MTCL3: variants seen among roughly 807,000 people sequenced by gnomAD.
MTCL3 encodes MTCL family member 3, also known as microtubule cross-linking factor 3.
chr6:127,503,449 CAG>C, the MTCL3 span, among the ~76,000 whole-genome samples: 8 of 152,200 alleles, frequency 5.3e-5, no homozygotes, highest in African/African-American at 1.9e-4. Context: ...TCAATTGTCT[CAG>C]ACATTGAAGA....
the MTCL3 span, among the ~76,000 whole-genome samples, chr6:127,494,963 C>T: frequency 5.3e-5 from 8 of 151,954 alleles, no homozygotes; most frequent in African/African-American, 9.7e-5. Flanking sequence ...TTTGGGAGGC[C>T]GAGTCGGGCA....
At chr6:127,477,763 A>C in the MTCL3 span, among the ~76,000 whole-genome samples, 84 of 152,326 alleles carry the variant, frequency 5.5e-4, 1 homozygote, top group African/African-American at 1.9e-3. Context: ...CCTGAACATT[A>C]CATTCCATAT....
At chr6:127,514,805 A>C in the MTCL3 span, 1 of 1,600,196 alleles carries the variant, frequency 6.2e-7, no homozygotes. Flanking sequence ...CGCGCCATTG[A>C]GCCCCCGCGC....
chr6:127,475,756 G>A, the MTCL3 span: 1 of 1,604,012 alleles, frequency 6.2e-7, no homozygotes, highest in South Asian at 1.1e-5. This position sits in a 1 kb window ranked among gnomAD's most constrained non-coding sequence, Gnocchi z 7.3. Context: ...CTTCTTGCCC[G>A]CGTCGCTCTC....
chr6:127,518,927 T>G, the MTCL3 span: 11 of 152,022 alleles, frequency 7.2e-5, no homozygotes. Context: ...GAGATGTTCA[T>G]GAGCTGACCT....
the MTCL3 span, chr6:127,515,113 C>T: frequency 7.3e-7 from 1 of 1,372,002 alleles, no homozygotes; most frequent in Non-Finnish European, 1.0e-6. The surrounding 1 kb of genome is among the most constrained non-coding windows in gnomAD (Gnocchi z 4.3). Context: ...ACACACCGTA[C>T]ACACCCCATT....
chr6:127,473,228 G>A, the MTCL3 span: 2 of 1,437,842 alleles, frequency 1.4e-6, no homozygotes, highest in Non-Finnish European at 1.8e-6. Context: ...CTTGAAGGGT[G>A]AACAAAATAA....
the MTCL3 span, among the ~76,000 whole-genome samples, chr6:127,490,225 GACCTACT>G: frequency 6.6e-6 from 1 of 152,100 alleles, no homozygotes; most frequent in South Asian, 2.1e-4. Flanking sequence ...CCACTTTTGA[GACCTACT>G]GCTCAGAAGA....
At chr6:127,507,134 A>AT in the MTCL3 span, among the ~76,000 whole-genome samples, 2 of 152,214 alleles carry the variant, frequency 1.3e-5, no homozygotes, top group Admixed American at 1.3e-4. Context: ...ATATACATGT[A>AT]TTAAACAATT....
chr6:127,505,224 A>G, the MTCL3 span, among the ~76,000 whole-genome samples: 1 of 152,206 alleles, frequency 6.6e-6, no homozygotes, highest in Non-Finnish European at 1.5e-5. Context: ...CAATGGCGAG[A>G]TAACTGTGGG....
the MTCL3 span, chr6:127,516,058 C>A: frequency 9.8e-6 from 15 of 1,533,782 alleles, no homozygotes; most frequent in Non-Finnish European, 1.3e-5. Flanking sequence ...CTGCGGAGCG[C>A]CCCCCTCCCT....
the MTCL3 span, chr6:127,475,528 A>C: frequency 6.2e-7 from 1 of 1,612,740 alleles, no homozygotes; most frequent in African/African-American, 1.3e-5. This position sits in a 1 kb window ranked among gnomAD's most constrained non-coding sequence, Gnocchi z 7.3. Context: ...CGTGTCGGCG[A>C]TGAGCCGGTC....
the MTCL3 span, among the ~76,000 whole-genome samples, chr6:127,483,971 G>A: frequency 1.3e-5 from 2 of 152,186 alleles, no homozygotes; most frequent in Non-Finnish European, 2.9e-5. Context: ...TTTAGGTTCT[G>A]TGAAGCAGGG....
the MTCL3 span, among the ~76,000 whole-genome samples, chr6:127,514,216 A>G: frequency 6.6e-6 from 1 of 152,222 alleles, no homozygotes; most frequent in Non-Finnish European, 1.5e-5. Flanking sequence ...CTTTAAAAAA[A>G]TGAGATTATT....
At chr6:127,476,210 C>T in the MTCL3 span, 2 of 1,614,032 alleles carry the variant, frequency 1.2e-6, no homozygotes, top group East Asian at 2.2e-5. This position sits in a 1 kb window ranked among gnomAD's most constrained non-coding sequence, Gnocchi z 4.4. Flanking sequence ...TCCAGTTCGA[C>T]GATTTTCCTG....
the MTCL3 span, among the ~76,000 whole-genome samples, chr6:127,488,184 C>T: frequency 0.059 from 8,993 of 152,228 alleles, 304 homozygotes; most frequent in African/African-American, 0.086. Context: ...CTGCCTGCAA[C>T]ATTCTTCCAT....
chr6:127,501,690 C>G, the MTCL3 span, among the ~76,000 whole-genome samples: 2 of 152,088 alleles, frequency 1.3e-5, no homozygotes, highest in African/African-American at 4.8e-5. Context: ...TTGAATCATG[C>G]TGAATATAAA....
At chr6:127,496,493 C>A in the MTCL3 span, among the ~76,000 whole-genome samples, 1 of 152,102 alleles carries the variant, frequency 6.6e-6, no homozygotes, top group African/African-American at 2.4e-5. Flanking sequence ...GACATGCAGA[C>A]CAATGAAAAC....
chr6:127,513,173 T>A, the MTCL3 span: 1 of 884,230 alleles, frequency 1.1e-6, no homozygotes, highest in Non-Finnish European at 1.7e-6. Context: ...TGCCAGGCAT[T>A]ATTCCACAAA....
Sources: allele counts gnomAD v4.1 joint callset (sites outside exome capture counted in the v4.1 genomes callset), GRCh38; gene constraint gnomAD v4.1.1; non-coding constraint Gnocchi (gnomAD v3.1); transcripts MANE v1.5; gene names NCBI Gene and HGNC (gene_info 2026-07-23, HGNC 2026-07-21).